Variants in RFX1 observed in about 807,000 individuals in gnomAD.
RFX1 encodes the protein regulatory factor X1.
A neutral mutation model predicts 119.6 loss-of-function variants in RFX1; 42 were observed. The ratio of observed to expected loss-of-function variants is 0.35; its 90% CI spans 0.27 to 0.45. The LOEUF (loss-of-function observed/expected upper bound fraction) is 0.45. Among genes scored for constraint, RFX1 ranks in the 20% least tolerant of loss-of-function variants. RFX1 has a pLI of 1.00. For synonymous variants in RFX1, 628 were observed against 618.5 expected, an observed-to-expected ratio of 1.02 and a Z score of -0.23; for missense variants, 1,118 against 1,368.1, an observed-to-expected ratio of 0.82 and a Z score of 2.88.
At chr19:13,984,916 G>GT (rs1974545375) in intron 2 of RFX1, among the ~76,000 whole-genome samples, 1 of 152,280 alleles carries the variant, frequency 6.6e-6, no homozygotes, top group South Asian at 2.1e-4. Context: ...CTGGAGTGCA[G>GT]TAGCACGATC....
Position 13,980,701 on chromosome 19 carries a change from G to T in RFX1, c.622-12C>A. 6.3e-7 allele frequency: 1 copy of T among 1,580,170 alleles called. No homozygotes were observed. Among genetic ancestry groups the T allele is most frequent in the Non-Finnish European group, 8.6e-7 (1 of 1,163,318 alleles). ...TGCACCGGCGACTGCTGTAAGGGAA[G>T]GAGACACAGGAGTGCCGCTGGGGTG... On this transcript the variant is annotated splice_polypyrimidine_tract_variant and intron_variant, in intron 5 of 20. Transcript: ENST00000254325. This position sits in a 1 kb window ranked among gnomAD's most constrained non-coding sequence, Gnocchi z 5.1.
chr19:13,963,716 C>T lies in RFX1; in HGVS notation c.2392G>A (p.Asp798Asn), dbSNP rs1225476314. The change falls in exon 18 of 21, where the codon GAC (aspartate) becomes AAC (asparagine). Residue 798 changes from aspartate (D) to asparagine (N), a missense_variant. Asp to Asn is a conservative substitution (Grantham distance 23, BLOSUM62 1). Around this residue, in one of 5 missense-constraint regions of RFX1, gnomAD observed 68 missense variants for 67.2 expected, o/e 1.01. Coordinates refer to ENST00000254325, the MANE Select transcript of RFX1 (RefSeq NM_002918.5). The part of the protein sequence containing the change: ...EQASWVCRCE[D>N]RVVQRLEQDF... ...TGCTCCAGCCGCTGCACCACGCGGT[C>T]CTCGCAGCGGCACACCCACGAGGCC... is the stretch of plus-strand genomic sequence containing the variant. 1 of 1,601,396 alleles carries T rather than the reference C, an allele frequency of 6.2e-7. No individual in the cohort carries two copies. Among genetic ancestry groups the T allele is most frequent in the South Asian group, 1.1e-5 (1 of 89,908 alleles).
intron 2 of RFX1, among the ~76,000 whole-genome samples, chr19:13,984,467 C>T (rs1189286217): frequency 2.0e-5 from 3 of 152,266 alleles, no homozygotes; most frequent in African/African-American, 7.2e-5. Flanking sequence ...GGTTGGTACC[C>T]GGAGATGCTA....
Position 13,994,893 on chromosome 19 carries a change from CATATATATATATATAT to C in RFX1, c.-52-1014_-52-999del, listed in dbSNP as rs566150731. On this transcript the variant is annotated intron_variant, in intron 1 of 20. Coordinates refer to ENST00000254325, the MANE Select transcript of RFX1 (RefSeq NM_002918.5). The stretch of plus-strand genomic sequence containing the variant: ...GTATATGTATATTGAAATATACATA[CATATATATATATATAT>C]ATATATATATATATATATATATATA... 3.7e-3 allele frequency among the ~76,000 whole-genome samples: 221 copies of C among 59,306 alleles called. 1 individual carries two copies. The highest frequency in any genetic ancestry group is 0.01 in the African/African-American group (179 of 17,632). The allele number at this position is 59,306 out of a possible 152,430, so 38.9% of individuals were successfully genotyped here. A position where few individuals can be genotyped will look rare whatever the true frequency, so the allele number is the denominator to read the frequency against.
In RFX1 at chr19:13,993,852, T is replaced by G. The variant is rs771101956; in HGVS notation, c.-9A>C. On this transcript the variant is annotated 5_prime_UTR_variant, in exon 2 of 21. Transcript: ENST00000254325. ...TACGCCTGTGTTGCCATGCCAACGG[T>G]GGGGAAAATGATAATAAATAAGGCT... 133 of 1,470,564 alleles carry G rather than the reference T, an allele frequency of 9.0e-5. No individual in the cohort carries two copies. The highest frequency in any genetic ancestry group is 4.3e-4 in the South Asian group (32 of 74,076). 91.1% of individuals were successfully genotyped at this position (1,470,564 alleles called of 1,614,324 possible).
At chr19:14,003,933 G>A (rs979741190) in intron 1 of RFX1, among the ~76,000 whole-genome samples, 1 of 151,356 alleles carries the variant, frequency 6.6e-6, no homozygotes, top group Non-Finnish European at 1.5e-5. Flanking sequence ...TTTGAGACAA[G>A]TCTCACTCTG....
Position 13,965,275 on chromosome 19 carries a change from T to C in RFX1, c.2211+174A>G, listed in dbSNP as rs866388251. 5.3e-5 allele frequency among the ~76,000 whole-genome samples: 8 copies of C among 152,168 alleles called. No homozygotes were observed. The highest frequency in any genetic ancestry group is 1.2e-4 in the Non-Finnish European group (8 of 68,032). ...TTCAGAAGTGGGTGCCTGAGGACAC[T>C]GGTTTATAAAGACAATGCCCAGGGT... On this transcript the variant is annotated intron_variant, in intron 16 of 20. Transcript: ENST00000254325. This position sits in a 1 kb window ranked among gnomAD's most constrained non-coding sequence, Gnocchi z 4.7.
In RFX1 at chr19:13,963,948, C is replaced by T. The variant is rs1409872260; in HGVS notation, c.2271G>A (p.Leu757=). 36 of 1,544,614 alleles carry T rather than the reference C, an allele frequency of 2.3e-5. No homozygotes were observed. Among genetic ancestry groups the T allele is most frequent in the Non-Finnish European group, 3.0e-5 (34 of 1,147,422 alleles). The change falls in exon 17 of 21, where the codon CTG becomes CTA. Residue 757 remains leucine (L), a synonymous_variant. Coordinates refer to ENST00000254325, the MANE Select transcript of RFX1 (RefSeq NM_002918.5). Reference sequence around the variant, plus strand: ...GCAGCACAGCGCGCGCCGCCTGCGCCAGGTGGTTGAGCGACGTGTAGCGCC... The same window carrying T: ...GCAGCACAGCGCGCGCCGCCTGCGCTAGGTGGTTGAGCGACGTGTAGCGCC... The part of the protein sequence containing the change: ...TLRRYTSLNH[L]AQAARAVLQN...
chr19:13,980,731 T>TGGATCCTCTCTGGGGTGGGCTC lies in RFX1; in HGVS notation c.622-43_622-42insGAGCCCACCCCAGAGAGGATCC. ...CACAGGAGTGCCGCTGGGGTGGGCT[T>TGGATCCTCTCTGGGGTGGGCTC]GCATCCTCTCTGAGGTGGGCTCACA... On this transcript the variant is annotated intron_variant, in intron 5 of 20. Transcript: ENST00000254325. This position sits in a 1 kb window ranked among gnomAD's most constrained non-coding sequence, Gnocchi z 5.1. 8.3e-7 allele frequency: 1 copy of TGGATCCTCTCTGGGGTGGGCTC among 1,201,556 alleles called. No individual in the cohort carries two copies. Among genetic ancestry groups the TGGATCCTCTCTGGGGTGGGCTC allele is most frequent in the South Asian group, 1.3e-5 (1 of 74,566 alleles). 74.4% of individuals were successfully genotyped at this position (1,201,556 alleles called of 1,614,324 possible). A position where few individuals can be genotyped will look rare whatever the true frequency, so the allele number is the denominator to read the frequency against.
At chr19:13,979,845 C>T (rs1974372497) in intron 6 of RFX1, among the ~76,000 whole-genome samples, 1 of 152,130 alleles carries the variant, frequency 6.6e-6, no homozygotes, top group Non-Finnish European at 1.5e-5. Context: ...CTTTCGTCCC[C>T]ACACCCCCCA....
At chr19:13,998,993 G>A (rs1299403028) in intron 1 of RFX1, among the ~76,000 whole-genome samples, 1 of 152,210 alleles carries the variant, frequency 6.6e-6, no homozygotes, top group African/African-American at 2.4e-5. Context: ...GAGGAGGTGG[G>A]AGATCGAGGA....
intron 1 of RFX1, among the ~76,000 whole-genome samples, chr19:14,003,411 C>CCCTGGTATCCAGCTTCCT (rs1191624086): frequency 6.6e-6 from 1 of 152,124 alleles, no homozygotes; most frequent in African/African-American, 2.4e-5. Flanking sequence ...TCCCTGTCAT[C>CCCTGGTATCCAGCTTCCT]GACCCACACA....
chr19:13,977,697 G>A (rs1428058910), intron 8 of RFX1, among the ~76,000 whole-genome samples: 4 of 151,642 alleles, frequency 2.6e-5, no homozygotes, highest in Non-Finnish European at 4.4e-5. Context: ...GATTACAGGC[G>A]TGAGCCACCG....
chr19:13,999,388 A>G (rs559145613), intron 1 of RFX1, among the ~76,000 whole-genome samples: 1 of 152,350 alleles, frequency 6.6e-6, no homozygotes, highest in Non-Finnish European at 1.5e-5. Flanking sequence ...GTAAGGGCCA[A>G]GCAGTAAACG....
rs1973849232 is a variant in RFX1, at chr19:13,965,061, G to C, written c.2211+388C>G. ...AGTAGTCAGCGAATGTGCATCTTTT[G>C]ATGAAAAAGGCAAGTATTATGTTTC... On this transcript the variant is annotated intron_variant, in intron 16 of 20. Coordinates refer to ENST00000254325, the MANE Select transcript of RFX1 (RefSeq NM_002918.5). The surrounding 1 kb of genome is among the most constrained non-coding windows in gnomAD (Gnocchi z 4.7). Among the ~76,000 whole-genome samples, 1 of 152,132 alleles carries C rather than the reference G, an allele frequency of 6.6e-6. No individual in the cohort carries two copies.
chr19:13,979,103 G>C (rs1256726510), intron 7 of RFX1, among the ~76,000 whole-genome samples: 1 of 152,072 alleles, frequency 6.6e-6, no homozygotes, highest in Non-Finnish European at 1.5e-5. Context: ...AGAGACACTG[G>C]GGGGTCAACG....
intron 1 of RFX1, among the ~76,000 whole-genome samples, chr19:13,995,444 C>T (rs906898671): frequency 2.6e-5 from 4 of 152,110 alleles, no homozygotes; most frequent in Non-Finnish European, 5.9e-5. Flanking sequence ...TGGGTCTTGA[C>T]ACCAGATGTA....
At chr19:13,996,853 A>T (rs1975042043) in intron 1 of RFX1, among the ~76,000 whole-genome samples, 1 of 150,928 alleles carries the variant, frequency 6.6e-6, no homozygotes, top group Non-Finnish European at 1.5e-5. Context: ...CCTCCCGAGT[A>T]GCTGCGACTA....
chr19:13,963,522 C>A lies in RFX1; in HGVS notation c.2570+16G>T. 1 of 1,593,940 alleles carries A rather than the reference C, an allele frequency of 6.3e-7. No homozygotes were observed. The highest frequency in any genetic ancestry group is 1.7e-5 in the Admixed American group (1 of 58,862). ...TTCCCTGGTGCCGCCCGGACCCGAT[C>A]CCGCCGCGCGCGCACCTGTAGAAGG... On this transcript the variant is annotated intron_variant, in intron 18 of 20. Coordinates refer to ENST00000254325, the MANE Select transcript of RFX1 (RefSeq NM_002918.5).
Sources: allele counts gnomAD v4.1 joint callset (sites outside exome capture counted in the v4.1 genomes callset), GRCh38; gene constraint gnomAD v4.1.1; regional missense constraint gnomAD v4.1.1; non-coding constraint Gnocchi (gnomAD v3.1); transcripts MANE v1.5; gene names NCBI Gene and HGNC (gene_info 2026-07-23, HGNC 2026-07-21).